The following PLCB3 variants were observed in gnomAD, a reference collection of about 807,000 sequenced individuals.
PLCB3 encodes phospholipase C beta 3.
PLCB3 carries 54 observed loss-of-function variants against 152.1 expected under a neutral mutation model. That is an observed-to-expected ratio of 0.36 (90% CI 0.29 to 0.45). The LOEUF (loss-of-function observed/expected upper bound fraction) is 0.45, where lower values mean the gene tolerates loss of function less well. Ranked by LOEUF, PLCB3 falls within the 20% of genes least tolerant of loss-of-function variation. PLCB3 has a pLI of 1.00. For missense variants in PLCB3, 1,248 were observed against 1,687.5 expected (o/e 0.74, Z 4.56); for synonymous variants, 717 against 698.7 (o/e 1.03, Z -0.41).
At position 64,255,307 on chromosome 11, in the gene PLCB3, G is replaced by A. The variant is rs780320976; in HGVS notation, c.461G>A (p.Arg154His). 5.9e-5 allele frequency: 96 copies of A among 1,613,752 alleles called. No individual in the cohort carries two copies. Among genetic ancestry groups the A allele is most frequent in the Non-Finnish European group, 6.9e-5 (81 of 1,179,948 alleles). The change falls in exon 5 of 31, where the codon CGC becomes CAC. Residue 154 changes from arginine (R) to histidine (H), a missense_variant. Physicochemically the swap from Arg to His is conservative, Grantham distance 29. Around this residue, in one of 6 missense-constraint regions of PLCB3, gnomAD observed 299 missense variants for 434.7 expected, o/e 0.69. Transcript: ENST00000279230. The surrounding 1 kb of genome is among the most constrained non-coding windows in gnomAD (Gnocchi z 6.8). ...AACGCCTCCCGGAACACCTTCCTGC[G>A]CAAAGCGTGAGCCCCAGGCCACCCG... ...AQNASRNTFL[R>H]KAYTKLKLQV...
Position 64,267,742 on chromosome 11 carries a change from C to G in PLCB3, c.*186C>G. 1.7e-6 allele frequency: 1 copy of G among 588,630 alleles called. No individual in the cohort carries two copies. The allele number at this position is 588,630 out of a possible 1,614,324, so 36.5% of individuals were successfully genotyped here. On this transcript the variant is annotated 3_prime_UTR_variant, in exon 31 of 31. Transcript: ENST00000279230. The surrounding 1 kb of genome is among the most constrained non-coding windows in gnomAD (Gnocchi z 5.2). ...GGGGCCCCTCCTTCCTGCCCTCAGT[C>G]TTAGGTTAGGGCCTTGGTCAGGGCT...
Position 64,251,761 on chromosome 11 carries a change from GC to G in PLCB3, c.99+17del. 1.4e-6 allele frequency: 2 copies of G among 1,388,762 alleles called. No individual in the cohort carries two copies. The highest frequency in any genetic ancestry group is 9.5e-7 in the Non-Finnish European group (1 of 1,050,624). The allele number at this position is 1,388,762 out of a possible 1,614,324, so 86.0% of individuals were successfully genotyped here. The stretch of plus-strand genomic sequence containing the variant: ...CAAATGGGACGAGGTAAGCGCGCGG[GC>G]CCCTGCTCCGCCCAAATCCCGGGAC... On this transcript the variant is annotated intron_variant, in intron 1 of 30. Transcript: ENST00000279230.
chr11:64,253,612 C>T lies in PLCB3; in HGVS notation c.100-803C>T, dbSNP rs551312037. Among the ~76,000 whole-genome samples, 5 of 152,304 alleles carry T rather than the reference C, an allele frequency of 3.3e-5. No individual in the cohort carries two copies. The South Asian group carries it at 1.0e-3, about 32-fold the overall frequency. On this transcript the variant is annotated intron_variant, in intron 1 of 30. Transcript: ENST00000279230. ...GCCACTTGTTCACTCTGGCCCTGGC[C>T]GAGTCTAAGCCCTGGAGGACAGCCC...
chr11:64,254,637 TG>T, intron 2 of PLCB3, 110 bp from the exon 3 acceptor site: 1 of 1,388,130 alleles, frequency 7.2e-7, no homozygotes. Flanking sequence ...GAGCTGAGGC[TG>T]GGGCTATAGC....
rs1591109964 is a variant in PLCB3 at position 64,261,504 on chromosome 11, G to A, written c.1828+8G>A. 1 of 1,613,130 alleles carries A rather than the reference G, an allele frequency of 6.2e-7. No individual in the cohort carries two copies. The highest frequency in any genetic ancestry group is 8.5e-7 in the Non-Finnish European group (1 of 1,179,010). On this transcript the variant is annotated splice_region_variant and intron_variant, in intron 15 of 30. Transcript: ENST00000279230. ...CCTTTGAGGCTGCTCGAAGTGAGTG[G>A]GGGTGGGTGGCAGGCATGGGAGCTT...
chr11:64,267,090 G>A lies in PLCB3; in HGVS notation c.3415-95G>A, dbSNP rs999790509. On this transcript the variant is annotated intron_variant, in intron 29 of 30. Coordinates refer to ENST00000279230, the MANE Select transcript of PLCB3 (RefSeq NM_000932.5). This position sits in a 1 kb window ranked among gnomAD's most constrained non-coding sequence, Gnocchi z 5.2. Reference sequence around the variant, plus strand: ...ATTATAGATGTGAGCCACTGCACCCGGCCTCGCCCACCTGACTTCTATACC... The same window carrying A: ...ATTATAGATGTGAGCCACTGCACCCAGCCTCGCCCACCTGACTTCTATACC... 65 of 1,103,076 alleles carry A rather than the reference G, an allele frequency of 5.9e-5. No individual in the cohort carries two copies. Among genetic ancestry groups the A allele is most frequent in the Non-Finnish European group, 6.6e-5 (49 of 746,172 alleles). The allele number at this position is 1,103,076 out of a possible 1,614,324, so 68.3% of individuals were successfully genotyped here. A position where few individuals can be genotyped will look rare whatever the true frequency, so the allele number is the denominator to read the frequency against.
chr11:64,259,900 A>G (rs2031752882), intron 13 of PLCB3, 129 bp from the exon 14 acceptor site: 2 of 751,724 alleles, frequency 2.7e-6, no homozygotes, highest in Admixed American at 5.5e-5. Context: ...TCCCCAAGCC[A>G]CACTGCCCTG....
Position 64,261,384 on chromosome 11 carries a change from G to A in PLCB3, c.1732-16G>A. Reference sequence around the variant, plus strand: ...TGGCGGGAATGGCACTGCTGACCCTGGGTTGGGGCCCACAGGGCACAGCCA... The same window carrying A: ...TGGCGGGAATGGCACTGCTGACCCTAGGTTGGGGCCCACAGGGCACAGCCA... On this transcript the variant is annotated splice_polypyrimidine_tract_variant and intron_variant, in intron 14 of 30. Transcript: ENST00000279230. The A allele has an allele frequency of 1.2e-6, 2 of 1,605,868 alleles. No individual in the cohort carries two copies. Among genetic ancestry groups the A allele is most frequent in the South Asian group, 2.2e-5 (2 of 90,906 alleles).
At chr11:64,257,016 T>TTTA (rs1555061405) in intron 10 of PLCB3, among the ~76,000 whole-genome samples, 4 of 120,686 alleles carry the variant, frequency 3.3e-5, no homozygotes, top group Non-Finnish European at 5.3e-5. Flanking sequence ...TTTTTTTTTT[T>TTTA]TTTTTGAGAC....
chr11:64,267,680 CG>C lies in PLCB3; in HGVS notation c.*128del. ...TCTAGAAATTTTATTTTTTTAAACCCGGGGCAAGTACCTCAGCTAACTCCCT... is the reference window on the plus strand; with the variant it reads ...TCTAGAAATTTTATTTTTTTAAACCCGGGCAAGTACCTCAGCTAACTCCCT... On this transcript the variant is annotated 3_prime_UTR_variant, in exon 31 of 31. Coordinates refer to ENST00000279230, the MANE Select transcript of PLCB3 (RefSeq NM_000932.5). The surrounding 1 kb of genome is among the most constrained non-coding windows in gnomAD (Gnocchi z 5.2). 1 of 805,434 alleles carries C rather than the reference CG, an allele frequency of 1.2e-6. No homozygotes were observed. Among genetic ancestry groups the C allele is most frequent in the Non-Finnish European group, 1.9e-6 (1 of 525,950 alleles). The allele number at this position is 805,434 out of a possible 1,614,324, so 49.9% of individuals were successfully genotyped here. A position where few individuals can be genotyped will look rare whatever the true frequency, so the allele number is the denominator to read the frequency against.
At position 64,261,882 on chromosome 11, in the gene PLCB3, G is replaced by A. The variant is rs2031870124; in HGVS notation, c.1914-70G>A. ...GGTGTGGGGGTCACAGGAGCACCTG[G>A]CTGAGGCCGGAGGTGGAGGCTGATG... On this transcript the variant is annotated intron_variant, in intron 16 of 30. Coordinates refer to ENST00000279230, the MANE Select transcript of PLCB3 (RefSeq NM_000932.5). 5 of 1,599,114 alleles carry A rather than the reference G, an allele frequency of 3.1e-6. No homozygotes were observed. The African/African-American group carries it at 6.7e-5, about 21-fold the overall frequency.
rs779837194 is a variant in PLCB3 at position 64,258,497 on chromosome 11, C to T, written c.1037C>T (p.Ser346Leu). Residue 346 changes from serine to leucine, a missense_variant, in exon 11 of 31, where the codon TCG (serine) becomes TTG (leucine). By Grantham distance (145) the Ser-to-Leu change is moderately radical. Coordinates refer to ENST00000279230, the MANE Select transcript of PLCB3 (RefSeq NM_000932.5). The surrounding 1 kb of genome is among the most constrained non-coding windows in gnomAD (Gnocchi z 7.2). Reference protein sequence around the residue: ...LTAGQLAGTSSVEMYRQALLW... With the variant: ...LTAGQLAGTSLVEMYRQALLW... ...GCGGGGCAGCTGGCTGGGACCTCGT[C>T]GGTGGAGATGTACCGCCAGGCACTA... 1 of 1,613,432 alleles carries T rather than the reference C, an allele frequency of 6.2e-7. No homozygotes were observed.
chr11:64,261,869 A>G, intron 16 of PLCB3, 83 bp from the exon 17 acceptor site: 1 of 1,581,184 alleles, frequency 6.3e-7, no homozygotes, highest in Admixed American at 1.7e-5. Context: ...TGTGGGGGTC[A>G]CAGGAGCACC....
chr11:64,261,788 C>T (rs2031866082), intron 16 of PLCB3, 123 bp downstream of exon 16: 2 of 1,419,014 alleles, frequency 1.4e-6, no homozygotes, highest in African/African-American at 1.4e-5. Context: ...CCCTCCTGCA[C>T]CCTGGCCTGG....
At position 64,254,834 on chromosome 11, in the gene PLCB3, G is replaced by A. The variant is rs779105662; in HGVS notation, c.246+18G>A. On this transcript the variant is annotated intron_variant, in intron 3 of 30. Coordinates refer to ENST00000279230, the MANE Select transcript of PLCB3 (RefSeq NM_000932.5). ...TGCCCAAGGTGAGTGATGAGCCTGG[G>A]AGTGAAGACCACAGCGAGGCTGTGC... The A allele has an allele frequency of 1.2e-6, 2 of 1,613,902 alleles. No homozygotes were observed. Among genetic ancestry groups the A allele is most frequent in the Non-Finnish European group, 1.7e-6 (2 of 1,179,980 alleles).
chr11:64,260,665 C>T (rs994459205), intron 14 of PLCB3, among the ~76,000 whole-genome samples: 3 of 146,082 alleles, frequency 2.1e-5, no homozygotes, highest in South Asian at 2.2e-4. Flanking sequence ...CCCAGCTACT[C>T]GGGAGGCTGA....
chr11:64,251,723 G>C lies in PLCB3; in HGVS notation c.74G>C (p.Gly25Ala). 6.7e-7 allele frequency: 1 copy of C among 1,481,866 alleles called. No individual in the cohort carries two copies. The highest frequency in any genetic ancestry group is 9.0e-7 in the Non-Finnish European group (1 of 1,113,650). 91.8% of individuals were successfully genotyped at this position (1,481,866 alleles called of 1,614,324 possible). ...PPTVVETLRRGSKFIKWDEET... is the reference protein window; with the variant it reads ...PPTVVETLRRASKFIKWDEET... ...ACCGTGGTGGAGACCCTGCGGCGCG[G>C]GAGTAAGTTCATCAAATGGGACGAG... The change falls in exon 1 of 31, where the codon GGG becomes GCG. Residue 25 changes from glycine to alanine, a missense_variant. Coordinates refer to ENST00000279230, the MANE Select transcript of PLCB3 (RefSeq NM_000932.5).
At position 64,265,104 on chromosome 11, in the gene PLCB3, G is replaced by A. The variant is rs1286224919; in HGVS notation, c.2806G>A (p.Gly936Arg). 5.3e-6 allele frequency: 7 copies of A among 1,326,458 alleles called. No individual in the cohort carries two copies. Among genetic ancestry groups the A allele is most frequent in the Admixed American group, 2.3e-5 (1 of 43,480 alleles). 82.2% of individuals were successfully genotyped at this position (1,326,458 alleles called of 1,614,324 possible). ...SPASTSLSSP[G>R]QRDDLIASIL... ...TGCCAGCACCTCCCTCAGCAGCCCA[G>A]GTAAGGAGTGGCCTGGGTCGGGGGT... The change falls in exon 23 of 31, where the codon GGG (glycine) becomes AGG (arginine). Residue 936 changes from glycine (G) to arginine (R), a missense_variant and splice_region_variant. Transcript: ENST00000279230.
intron 1 of PLCB3, among the ~76,000 whole-genome samples, chr11:64,252,655 G>C (rs1356128700): frequency 1.3e-5 from 2 of 152,186 alleles, no homozygotes; most frequent in Non-Finnish European, 2.9e-5. Flanking sequence ...TGGGGGCGTG[G>C]CCTGAAGCGG....
Sources: allele counts gnomAD v4.1 joint callset (sites outside exome capture counted in the v4.1 genomes callset), GRCh38; gene constraint gnomAD v4.1.1; regional missense constraint gnomAD v4.1.1; non-coding constraint Gnocchi (gnomAD v3.1); transcripts MANE v1.5; gene names NCBI Gene and HGNC (gene_info 2026-07-23, HGNC 2026-07-21).